CC2D2B: variants seen among roughly 807,000 people sequenced by gnomAD.
CC2D2B encodes the protein protein CC2D2B.
In CC2D2B, 128 loss-of-function variants were observed where a neutral mutation model predicts 161.2. That is an observed-to-expected ratio of 0.79 (90% CI 0.69 to 0.92). CC2D2B has a LOEUF of 0.92. Among genes scored for constraint, CC2D2B ranks in the 40% least tolerant of loss-of-function variants. The pLI is 0.00. For missense variants in CC2D2B, 1,173 were observed against 1,375.1 expected, an observed-to-expected ratio of 0.85 and a Z score of 2.32; for synonymous variants, 391 against 449.8, an observed-to-expected ratio of 0.87 and a Z score of 1.65.
At position 95,951,390 on chromosome 10, in the gene CC2D2B, G is replaced by A. The variant is rs559753165; in HGVS notation, c.1011+1285G>A. On this transcript the variant is annotated intron_variant, in intron 10 of 34. Transcript: ENST00000646931. ...TGCTCTTGAACTCCTGGGCTCAAGC[G>A]ATTTGCCTGCCTCGGCCTCCTTATA... Among the ~76,000 whole-genome samples, 16 of 152,132 alleles carry A rather than the reference G, an allele frequency of 1.1e-4. No homozygotes were observed. In the South Asian group the frequency reaches 1.2e-3, roughly 12 times the overall value.
chr10:95,944,182 A>T (rs1192178907), intron 9 of CC2D2B, among the ~76,000 whole-genome samples: 1 of 152,162 alleles, frequency 6.6e-6, no homozygotes, highest in African/African-American at 2.4e-5. Flanking sequence ...TTAGAAGATA[A>T]AGACTGACAG....
chr10:95,967,985 C>A (rs998512589), intron 14 of CC2D2B, among the ~76,000 whole-genome samples: 6 of 152,194 alleles, frequency 3.9e-5, no homozygotes, highest in Non-Finnish European at 7.3e-5. Flanking sequence ...TAGATCAGTT[C>A]TCTTGCCACT....
At chr10:95,947,913 G>C (rs1308288942) in intron 9 of CC2D2B, among the ~76,000 whole-genome samples, 1 of 152,148 alleles carries the variant, frequency 6.6e-6, no homozygotes, top group East Asian at 1.9e-4. Flanking sequence ...GAGGGCCCAG[G>C]CTCCTGAAGA....
intron 2 of CC2D2B, chr10:95,920,792 G>A (rs186523223): frequency 3.3e-5 from 5 of 152,470 alleles, no homozygotes; most frequent in Non-Finnish European, 5.9e-5. Context: ...CTTTCCTTCA[G>A]GGCAGTGGGT....
intron 2 of CC2D2B, among the ~76,000 whole-genome samples, chr10:95,915,175 T>G (rs1357680825): frequency 6.6e-6 from 1 of 152,234 alleles, no homozygotes; most frequent in Non-Finnish European, 1.5e-5. Context: ...GTAACTATTG[T>G]AAGTGGGATT....
intron 9 of CC2D2B, among the ~76,000 whole-genome samples, chr10:95,941,684 C>G (rs556772446): frequency 6.4e-4 from 98 of 152,074 alleles, no homozygotes; most frequent in African/African-American, 2.4e-3. Flanking sequence ...AAAAAATCCC[C>G]TGAAAATAAC....
chr10:95,960,973 GT>G, intron 11 of CC2D2B, among the ~76,000 whole-genome samples: 1 of 152,224 alleles, frequency 6.6e-6, no homozygotes, highest in South Asian at 2.1e-4. Flanking sequence ...TCCCTCACCA[GT>G]GGCTTTGGAA....
chr10:95,913,044 G>C (rs1248714634), intron 2 of CC2D2B, among the ~76,000 whole-genome samples: 1 of 151,818 alleles, frequency 6.6e-6, no homozygotes, highest in Non-Finnish European at 1.5e-5. Context: ...CTTTTGTGCT[G>C]TAAAATACTA....
At chr10:95,938,380 C>A (rs1590450108) in intron 7 of CC2D2B, 189 bp from the exon 8 acceptor site, 1 of 608,384 alleles carries the variant, frequency 1.6e-6, no homozygotes, top group East Asian at 2.8e-5. Flanking sequence ...AAAAAATGTA[C>A]ATATATAGGC....
chr10:95,935,073 G>C (rs10882691), intron 6 of CC2D2B, among the ~76,000 whole-genome samples: 18,484 of 152,078 alleles, frequency 0.12, 1,909 homozygotes, highest in African/African-American at 0.27. Context: ...GTTTCGCTGT[G>C]TTGGCCAGGC....
At chr10:95,945,892 C>A (rs751553105) in intron 9 of CC2D2B, among the ~76,000 whole-genome samples, 1 of 147,726 alleles carries the variant, frequency 6.8e-6, no homozygotes, top group Non-Finnish European at 1.5e-5. Flanking sequence ...TCAAGTACTT[C>A]TCCTGCCTTA....
intron 33 of CC2D2B, among the ~76,000 whole-genome samples, chr10:96,026,315 A>T (rs1456768012): frequency 6.6e-6 from 1 of 152,176 alleles, no homozygotes; most frequent in Non-Finnish European, 1.5e-5. Context: ...TGGCATATTC[A>T]TCCCCAGGCA....
intron 10 of CC2D2B, 39 bp downstream of exon 10, chr10:95,950,144 T>C (rs2076349755): frequency 2.5e-6 from 1 of 398,428 alleles, no homozygotes; most frequent in Non-Finnish European, 4.4e-6. Flanking sequence ...ACATTTAATA[T>C]TGAAAAAGAA....
intron 2 of CC2D2B, among the ~76,000 whole-genome samples, chr10:95,913,913 G>C (rs1265970382): frequency 6.6e-6 from 1 of 151,864 alleles, no homozygotes; most frequent in Non-Finnish European, 1.5e-5. Flanking sequence ...CCATTCTAAG[G>C]GCTGTTTCTT....
intron 19 of CC2D2B, among the ~76,000 whole-genome samples, chr10:95,986,361 G>T (rs2077726266): frequency 6.6e-6 from 1 of 151,456 alleles, no homozygotes; most frequent in Non-Finnish European, 1.5e-5. Context: ...TTGGGGGCGG[G>T]TTCCCCTGAT....
intron 16 of CC2D2B, 75 bp from the exon 17 acceptor site, chr10:95,973,934 C>T: frequency 3.0e-6 from 2 of 670,684 alleles, no homozygotes; most frequent in Non-Finnish European, 4.0e-6. Context: ...ACAAGTAAAA[C>T]TCAGGAAAAA....
In CC2D2B at chr10:96,031,936, AT is replaced by A. The variant is rs768700537; in HGVS notation, c.4243del (p.Tyr1415ThrfsTer19). ...FPQTEFALAVYIHPYPNNILS... is the reference protein window; with the variant it reads ...FPQTEFALAVXIHPYPNNILS... The stretch of plus-strand genomic sequence containing the variant: ...CCCAGACAGAATTTGCTTTAGCTGT[AT>A]ACATTCACCCATACCCAAACAACAT... On this transcript the variant is annotated frameshift_variant, in exon 35 of 35. Transcript: ENST00000646931. LOFTEE classifies it high-confidence loss of function. The A allele has an allele frequency of 1.2e-6, 2 of 1,613,832 alleles. No homozygotes were observed. Among genetic ancestry groups the A allele is most frequent in the Middle Eastern group, 1.6e-4 (1 of 6,062 alleles).
chr10:96,019,304 A>G lies in CC2D2B; in HGVS notation c.3732A>G (p.Leu1244=), dbSNP rs1367832819. 3.7e-6 allele frequency: 6 copies of G among 1,610,650 alleles called. No homozygotes were observed. Among genetic ancestry groups the G allele is most frequent in the African/African-American group, 1.3e-5 (1 of 74,702 alleles). Reference sequence around the variant, plus strand: ...AGCAGTTTGACCCGTTTTGTCCCTTAAAAAGTGTAGATTGTTTGTTTGATG... The same window carrying G: ...AGCAGTTTGACCCGTTTTGTCCCTTGAAAAGTGTAGATTGTTTGTTTGATG... The part of the protein sequence containing the change: ...CYKQFDPFCP[L]KSVDCLFDDR... The change falls in exon 31 of 35, where the codon TTA becomes TTG. Residue 1244 remains leucine, a synonymous_variant. Coordinates refer to ENST00000646931, the MANE Select transcript of CC2D2B (RefSeq NM_001349008.3).
intron 9 of CC2D2B, among the ~76,000 whole-genome samples, chr10:95,947,189 T>G (rs1239206450): frequency 9.7e-5 from 14 of 144,080 alleles, no homozygotes; most frequent in Non-Finnish European, 2.1e-4. Context: ...CTCAGCTCAC[T>G]GCAACCTCCG....
Sources: allele counts gnomAD v4.1 joint callset (sites outside exome capture counted in the v4.1 genomes callset), GRCh38; gene constraint gnomAD v4.1.1; transcripts MANE v1.5; gene names NCBI Gene and HGNC (gene_info 2026-07-23, HGNC 2026-07-21).